Variants in NFIA observed in about 807,000 individuals in gnomAD.
The protein encoded by NFIA is nuclear factor 1 A-type.
In NFIA, 8 loss-of-function variants were observed where a neutral mutation model predicts 62.8. The observed-to-expected ratio is 0.13, with a 90% CI of 0.07 to 0.23. The LOEUF is 0.23. Among genes scored for constraint, NFIA ranks in the 10% least tolerant of loss-of-function variants. The pLI, the probability that NFIA is intolerant of heterozygous loss-of-function variation, is 1.00. For missense variants in NFIA, 410 were observed against 642.1 expected (o/e 0.64, Z 3.91); for synonymous variants, 235 against 238.1 (o/e 0.99, Z 0.12).
At chr1:61,198,593 A>G (rs950965505) in intron 2 of NFIA, among the ~76,000 whole-genome samples, 8 of 152,166 alleles carry the variant, frequency 5.3e-5, no homozygotes, top group African/African-American at 2.4e-5. Context: ...ATTCCTTTTC[A>G]TTCGTTCTTC....
chr1:61,272,925 A>G (rs1485082053), intron 2 of NFIA, among the ~76,000 whole-genome samples: 8 of 152,236 alleles, frequency 5.3e-5, no homozygotes, highest in Non-Finnish European at 1.2e-4. Flanking sequence ...AAAACTGGAC[A>G]TAAAATTCTA....
At chr1:61,087,777 T>C (rs1646244353) in intron 1 of NFIA, among the ~76,000 whole-genome samples, 1 of 152,194 alleles carries the variant, frequency 6.6e-6, no homozygotes, top group Admixed American at 6.5e-5. Context: ...GGGACAAAAT[T>C]AGATATGCCT....
chr1:61,338,840 T>A (rs1661753571), intron 4 of NFIA, among the ~76,000 whole-genome samples: 1 of 152,244 alleles, frequency 6.6e-6, no homozygotes, highest in African/African-American at 2.4e-5. Flanking sequence ...ACTTTCTTTC[T>A]AAACTAGTGG....
At chr1:61,153,990 C>T (rs565890347) in intron 2 of NFIA, among the ~76,000 whole-genome samples, 2 of 152,114 alleles carry the variant, frequency 1.3e-5, no homozygotes, top group Non-Finnish European at 2.9e-5. Flanking sequence ...CATTTTCTCC[C>T]TTTAGTCAAG....
At chr1:61,163,870 A>G (rs1272494962) in intron 2 of NFIA, among the ~76,000 whole-genome samples, 1 of 152,248 alleles carries the variant, frequency 6.6e-6, no homozygotes, top group Non-Finnish European at 1.5e-5. Context: ...CCCATGTCCC[A>G]TTGAAAGGCC....
intron 2 of NFIA, among the ~76,000 whole-genome samples, chr1:61,186,077 CTCAA>C (rs1651158955): frequency 6.6e-6 from 1 of 152,124 alleles, no homozygotes; most frequent in South Asian, 2.1e-4. Flanking sequence ...TTAAATTTTA[CTCAA>C]TCCTACATTT....
intron 2 of NFIA, among the ~76,000 whole-genome samples, chr1:61,123,166 A>T (rs2100474162): frequency 6.6e-6 from 1 of 152,250 alleles, no homozygotes; most frequent in South Asian, 2.1e-4. Flanking sequence ...TCCTCCCTTA[A>T]ATCATTTTTC....
intron 2 of NFIA, among the ~76,000 whole-genome samples, chr1:61,254,646 A>G (rs1656261330): frequency 1.3e-5 from 2 of 152,220 alleles, no homozygotes; most frequent in African/African-American, 2.4e-5. Context: ...TTTGTGGCCT[A>G]TGGAAAGAAG....
At chr1:61,079,615 G>A (rs2100396986), upstream of NFIA, among the ~76,000 whole-genome samples, 1 of 152,264 alleles carries the variant, frequency 6.6e-6, no homozygotes, top group East Asian at 1.9e-4. Context: ...TTTCCAATAA[G>A]GGGTTTATCC....
At chr1:61,135,517 A>G (rs1263454995) in intron 2 of NFIA, among the ~76,000 whole-genome samples, 1 of 152,076 alleles carries the variant, frequency 6.6e-6, no homozygotes, top group Non-Finnish European at 1.5e-5. Context: ...CAATCCTCCC[A>G]TGTCAGCCTC....
intron 5 of NFIA, among the ~76,000 whole-genome samples, chr1:61,355,478 A>G (rs1662890013): frequency 6.6e-6 from 1 of 152,208 alleles, no homozygotes; most frequent in African/African-American, 2.4e-5. Flanking sequence ...CCAGCTGTCA[A>G]AAGTTTGTGA....
intron 2 of NFIA, among the ~76,000 whole-genome samples, chr1:61,255,261 T>C (rs907446508): frequency 1.3e-5 from 2 of 152,234 alleles, no homozygotes; most frequent in Admixed American, 6.5e-5. Context: ...TCCCACAGTC[T>C]GAGACCACAG....
intron 2 of NFIA, among the ~76,000 whole-genome samples, chr1:61,237,555 A>G (rs1655082513): frequency 6.6e-6 from 1 of 152,232 alleles, no homozygotes; most frequent in South Asian, 2.1e-4. Context: ...AAACAAACAA[A>G]TAAAACCCAT....
chr1:61,349,686 C>T lies in NFIA; in HGVS notation c.701-2764C>T, dbSNP rs556850910. Among the ~76,000 whole-genome samples the T allele has an allele frequency of 7.9e-5, 12 of 152,218 alleles. No individual in the cohort carries two copies. In the East Asian group the frequency reaches 1.2e-3, roughly 15 times the overall value. ...AACTCCTGGGCTCAAGTGATCCTCC[C>T]GTCTCAGCCTCCTAAGTAGCTGGGA... On this transcript the variant is annotated intron_variant, in intron 4 of 10. Coordinates refer to ENST00000403491, the MANE Select transcript of NFIA (RefSeq NM_001134673.4).
chr1:61,113,675 A>T (rs1348344382), intron 2 of NFIA, among the ~76,000 whole-genome samples: 1 of 151,872 alleles, frequency 6.6e-6, no homozygotes, highest in Non-Finnish European at 1.5e-5. Context: ...ACCATTTGGA[A>T]GGCTTCTTGG....
chr1:61,387,831 A>G (rs1455035112), intron 7 of NFIA, among the ~76,000 whole-genome samples: 1 of 152,228 alleles, frequency 6.6e-6, no homozygotes, highest in African/African-American at 2.4e-5. Flanking sequence ...TCATTTCTTC[A>G]GATAAATGTG....
intron 2 of NFIA, among the ~76,000 whole-genome samples, chr1:61,234,071 T>C (rs954738029): frequency 6.6e-6 from 1 of 152,052 alleles, no homozygotes; most frequent in Non-Finnish European, 1.5e-5. Flanking sequence ...AGACCTAATG[T>C]AGAAAGTGGC....
intron 10 of NFIA, among the ~76,000 whole-genome samples, chr1:61,434,289 T>C (rs1667234240): frequency 6.6e-6 from 1 of 152,100 alleles, no homozygotes; most frequent in East Asian, 1.9e-4. Context: ...GTAGCAGGTG[T>C]TGAATAGTAA....
chr1:61,200,036 A>ATATATATATATG (rs1652340782), intron 2 of NFIA, among the ~76,000 whole-genome samples: 3 of 46,072 alleles, frequency 6.5e-5, no homozygotes, highest in African/African-American at 3.3e-4. Flanking sequence ...ATATATATAT[A>ATATATATATATG]TATATATATA....
Sources: gnomAD v4.1 joint callset for allele counts (sites outside exome capture counted in the v4.1 genomes callset) on GRCh38, gnomAD v4.1.1 for gene constraint, MANE v1.5 for transcripts, NCBI Gene and HGNC (gene_info 2026-07-23, HGNC 2026-07-21) for gene names.